Variants in PLPP4 observed in about 807,000 individuals in gnomAD.
The protein encoded by PLPP4 is diacylglycerol pyrophosphate like 2.
In PLPP4, 20 loss-of-function variants were observed where a neutral mutation model predicts 32.2. That is an observed-to-expected ratio of 0.62 (90% confidence interval 0.44 to 0.90). PLPP4 has a LOEUF of 0.90. Among genes scored for constraint, PLPP4 ranks in the 40% least tolerant of loss-of-function variants. The pLI is 0.00. For missense variants in PLPP4, 257 were observed against 353.1 expected (o/e 0.73, Z 2.18); for synonymous variants, 127 against 133.0 (o/e 0.95, Z 0.31).
chr10:120,574,368 A>G (rs1849112972), intron 5 of PLPP4, among the ~76,000 whole-genome samples: 1 of 151,844 alleles, frequency 6.6e-6, no homozygotes, highest in African/African-American at 2.4e-5. Flanking sequence ...CTTAAATCTC[A>G]CTGAGCTCCC....
At chr10:120,545,340 CATT>C (rs2133972196) in intron 5 of PLPP4, among the ~76,000 whole-genome samples, 2 of 152,260 alleles carry the variant, frequency 1.3e-5, no homozygotes, top group South Asian at 4.2e-4. Context: ...TCTACTACAT[CATT>C]GTGATTTTCA....
intron 5 of PLPP4, among the ~76,000 whole-genome samples, chr10:120,560,669 C>T (rs1352370860): frequency 6.6e-6 from 1 of 152,150 alleles, no homozygotes; most frequent in Non-Finnish European, 1.5e-5. Context: ...GCAGGAGAAT[C>T]ATTTGAACCC....
At chr10:120,578,810 A>T (rs1849345450) in intron 6 of PLPP4, among the ~76,000 whole-genome samples, 1 of 152,232 alleles carries the variant, frequency 6.6e-6, no homozygotes, top group Admixed American at 6.5e-5. Flanking sequence ...TGTGTGGCTG[A>T]TGTGGCCTGT....
At chr10:120,566,306 A>T (rs974893332) in intron 5 of PLPP4, among the ~76,000 whole-genome samples, 1 of 152,106 alleles carries the variant, frequency 6.6e-6, no homozygotes, top group African/African-American at 2.4e-5. Flanking sequence ...TTGAAGTTGA[A>T]TTCCTCTAGA....
At chr10:120,583,059 T>G (rs1339587976) in intron 6 of PLPP4, among the ~76,000 whole-genome samples, 1 of 151,840 alleles carries the variant, frequency 6.6e-6, no homozygotes, top group African/African-American at 2.4e-5. Flanking sequence ...CACATGCACT[T>G]GTTGAGTTTG....
intron 5 of PLPP4, among the ~76,000 whole-genome samples, chr10:120,523,934 A>T (rs1186725769): frequency 6.6e-6 from 1 of 152,166 alleles, no homozygotes; most frequent in Non-Finnish European, 1.5e-5. Context: ...CCCAAAAAAG[A>T]TGTTGATTTC....
At chr10:120,585,343 A>C (rs1399014988) in intron 6 of PLPP4, among the ~76,000 whole-genome samples, 1 of 152,160 alleles carries the variant, frequency 6.6e-6, no homozygotes. Flanking sequence ...TGGGTGACAA[A>C]CGTGTTTTTA....
intron 5 of PLPP4, among the ~76,000 whole-genome samples, chr10:120,522,475 C>A (rs1408525365): frequency 6.6e-6 from 1 of 152,220 alleles, no homozygotes; most frequent in Non-Finnish European, 1.5e-5. Flanking sequence ...AGGACACCAG[C>A]TCTGACAGGA....
intron 5 of PLPP4, among the ~76,000 whole-genome samples, chr10:120,533,471 T>C (rs1047779102): frequency 3.3e-5 from 5 of 152,160 alleles, no homozygotes; most frequent in African/African-American, 1.2e-4. Flanking sequence ...GTGGGTTGTA[T>C]TTTTACTCTC....
intron 1 of PLPP4, among the ~76,000 whole-genome samples, chr10:120,474,036 A>G (rs1843782787): frequency 6.6e-6 from 1 of 152,042 alleles, no homozygotes; most frequent in Non-Finnish European, 1.5e-5. Context: ...TATCTGGTTT[A>G]TCTTTTGCAT....
intron 6 of PLPP4, 55 bp downstream of exon 6, chr10:120,575,356 A>G (rs1441228512): frequency 1.9e-6 from 3 of 1,562,138 alleles, no homozygotes; most frequent in Admixed American, 3.4e-5. Flanking sequence ...CCTCTCCTCC[A>G]GGGATGGGTG....
At chr10:120,462,707 A>C (rs571636726) in intron 1 of PLPP4, among the ~76,000 whole-genome samples, 269 of 152,340 alleles carry the variant, frequency 1.8e-3, no homozygotes, top group African/African-American at 6.0e-3. Flanking sequence ...CACGGGGCCC[A>C]GGTCAGGCTA....
At chr10:120,475,195 TG>T (rs1843843734) in intron 1 of PLPP4, among the ~76,000 whole-genome samples, 1 of 152,020 alleles carries the variant, frequency 6.6e-6, no homozygotes, top group Non-Finnish European at 1.5e-5. Flanking sequence ...AGCAGCTCCC[TG>T]GGAGAATCCT....
intron 1 of PLPP4, among the ~76,000 whole-genome samples, chr10:120,478,323 G>T (rs572589353): frequency 6.6e-6 from 1 of 152,332 alleles, no homozygotes; most frequent in African/African-American, 2.4e-5. Context: ...TCCAGGCCCA[G>T]ATACTTGGCA....
At chr10:120,457,922 C>T (rs1481611155) in intron 1 of PLPP4, among the ~76,000 whole-genome samples, 1 of 152,304 alleles carries the variant, frequency 6.6e-6, no homozygotes, top group Admixed American at 6.5e-5. Context: ...GGGCTGCAGG[C>T]CGGGGTGGGA....
At chr10:120,490,298 T>C (rs1283242989) in intron 1 of PLPP4, among the ~76,000 whole-genome samples, 2 of 152,218 alleles carry the variant, frequency 1.3e-5, no homozygotes, top group African/African-American at 4.8e-5. Flanking sequence ...CCATTTGCAT[T>C]TGAATTGAGA....
At chr10:120,531,437 G>A (rs1229305539) in intron 5 of PLPP4, among the ~76,000 whole-genome samples, 2 of 152,050 alleles carry the variant, frequency 1.3e-5, no homozygotes, top group East Asian at 3.9e-4. Context: ...CTTTTGATGA[G>A]CAGCATCTTT....
rs945838676 is a variant in PLPP4, at chr10:120,583,012, G to A, written c.617-6291G>A. ...GAAACATGAAGCTTCACAAGTAGCAGAATCACTGGAAAGAATAAAAAGAAC... is the reference window on the plus strand; with the variant it reads ...GAAACATGAAGCTTCACAAGTAGCAAAATCACTGGAAAGAATAAAAAGAAC... On this transcript the variant is annotated intron_variant, in intron 6 of 6. Coordinates refer to ENST00000398250, the MANE Select transcript of PLPP4 (RefSeq NM_001030059.3). Among the ~76,000 whole-genome samples the A allele has an allele frequency of 2.0e-5, 3 of 152,028 alleles. No homozygotes were observed. The East Asian group carries it at 5.8e-4, about 29-fold the overall frequency.
rs1291226025 is a variant in PLPP4 at position 120,467,665 on chromosome 10, A to G, written c.56+10304A>G. 3.1e-5 allele frequency among the ~76,000 whole-genome samples: 2 copies of G among 65,454 alleles called. 1 individual carries two copies. The highest frequency in any genetic ancestry group is 8.9e-5 in the Non-Finnish European group (2 of 22,356). The allele number at this position is 65,454 out of a possible 152,430, so 42.9% of individuals were successfully genotyped here. A position where few individuals can be genotyped will look rare whatever the true frequency, so the allele number is the denominator to read the frequency against. On this transcript the variant is annotated intron_variant, in intron 1 of 6. Transcript: ENST00000398250. ...AAGAGAAGAGCTCATCAACAGAAAA[A>G]TAGGCAACAGATACGAGCAGAAAAC...
Sources: gnomAD v4.1 joint callset for allele counts (sites outside exome capture counted in the v4.1 genomes callset) on GRCh38, gnomAD v4.1.1 for gene constraint, MANE v1.5 for transcripts, NCBI Gene and HGNC (gene_info 2026-07-23, HGNC 2026-07-21) for gene names.